The following FKBP8 variants were observed in gnomAD, a reference collection of about 807,000 sequenced individuals.
FKBP8 encodes FKBP prolyl isomerase 8.
In FKBP8, 5 loss-of-function variants were observed where a neutral mutation model predicts 41.7. The ratio of observed to expected loss-of-function variants is 0.12; its 90% CI spans 0.06 to 0.25. FKBP8 has a LOEUF of 0.25. Among genes scored for constraint, FKBP8 ranks in the 10% least tolerant of loss-of-function variants. FKBP8 has a pLI of 1.00. For missense variants in FKBP8, 397 were observed against 563.0 expected (o/e 0.71, Z 2.98); for synonymous variants, 279 against 254.5 (o/e 1.10, Z -0.92).
intron 7 of FKBP8, 91 bp downstream of exon 7, chr19:18,533,179 C>A: frequency 7.8e-7 from 1 of 1,283,080 alleles, no homozygotes; most frequent in African/African-American, 1.5e-5. Flanking sequence ...GGTGGGAACA[C>A]AACAGAGAGC....
At chr19:18,541,554 C>T in intron 2 of FKBP8, 125 bp downstream of exon 2, 1 of 1,372,978 alleles carries the variant, frequency 7.3e-7, no homozygotes, top group Non-Finnish European at 9.8e-7. Context: ...CCAGTAGTTG[C>T]CTCTGGCTGG....
intron 7 of FKBP8, chr19:18,533,020 G>T: frequency 1.3e-6 from 1 of 778,478 alleles, no homozygotes; most frequent in Non-Finnish European, 2.0e-6. Flanking sequence ...AAAGGTTCTG[G>T]AAGGAAGGCC....
chr19:18,535,562 A>C (rs1976553489), intron 6 of FKBP8, among the ~76,000 whole-genome samples: 1 of 151,840 alleles, frequency 6.6e-6, no homozygotes. Context: ...ACTTGAGGTC[A>C]GGAGTTCAAG....
At position 18,538,148 on chromosome 19, in the gene FKBP8, TG is replaced by T; in HGVS notation, c.772+67del. 1 of 1,474,832 alleles carries T rather than the reference TG, an allele frequency of 6.8e-7. No homozygotes were observed. The highest frequency in any genetic ancestry group is 2.3e-5 in the East Asian group (1 of 43,716). 91.4% of individuals were successfully genotyped at this position (1,474,832 alleles called of 1,614,324 possible). On this transcript the variant is annotated intron_variant, in intron 5 of 8. Transcript: ENST00000608443. This position sits in a 1 kb window ranked among gnomAD's most constrained non-coding sequence, Gnocchi z 4.0. ...TTCTGAGTCTGAGGCTCTCTGGGGC[TG>T]GAAGTTTCTGGCACGGAGTGGACAC...
chr19:18,542,628 T>A (rs1042218151), intron 1 of FKBP8: 4 of 252,444 alleles, frequency 1.6e-5, no homozygotes, highest in African/African-American at 9.5e-5. Flanking sequence ...TCTAACACTA[T>A]CCCCCACAAC....
chr19:18,539,662 C>T lies in FKBP8; in HGVS notation c.351G>A (p.Pro117=), dbSNP rs368924907. 1.4e-5 allele frequency: 23 copies of T among 1,611,630 alleles called. No individual in the cohort carries two copies. Among genetic ancestry groups the T allele is most frequent in the African/African-American group, 1.1e-4 (8 of 74,932 alleles). ...LVPGPPGSSR[P]VKGQVVTVHL... is the part of the protein sequence containing the mutation. ...GTACGGTGACCACCTGGCCCTTGAC[C>T]GGGCGGCTCGAACCTGGCGGCCCTG... The change falls in exon 3 of 9, where the codon CCG becomes CCA. Residue 117 remains proline, a synonymous_variant. Transcript: ENST00000608443.
intron 2 of FKBP8, among the ~76,000 whole-genome samples, chr19:18,540,664 G>C (rs918481549): frequency 1.3e-5 from 2 of 152,132 alleles, no homozygotes; most frequent in African/African-American, 2.4e-5. Flanking sequence ...CTGAGGTCAG[G>C]AGTTCGAGAC....
At chr19:18,533,653 G>A (rs975711425) in intron 6 of FKBP8, among the ~76,000 whole-genome samples, 62 of 150,802 alleles carry the variant, frequency 4.1e-4, no homozygotes, top group African/African-American at 1.4e-3. Context: ...GCAGTGAGCC[G>A]AGATCACACC....
chr19:18,533,442 G>A (rs942550778), intron 6 of FKBP8, 95 bp from the exon 7 acceptor site: 5 of 799,852 alleles, frequency 6.3e-6, no homozygotes, highest in Non-Finnish European at 9.6e-6. Context: ...CCAAGATGGT[G>A]TCACTGCACT....
chr19:18,535,510 G>A (rs958807874), intron 6 of FKBP8, among the ~76,000 whole-genome samples: 26 of 151,716 alleles, frequency 1.7e-4, no homozygotes, highest in African/African-American at 5.8e-4. Flanking sequence ...AGTGGCTCAC[G>A]CCTATAATCC....
At chr19:18,533,115 G>T (rs1446795182) in intron 7 of FKBP8, 155 bp downstream of exon 7, 2 of 734,596 alleles carry the variant, frequency 2.7e-6, no homozygotes, top group Non-Finnish European at 4.3e-6. Context: ...CCGTCATGAG[G>T]GTCTTCACAA....
Position 18,538,808 on chromosome 19 carries a change from C to CTTTTTTTT in FKBP8, c.552-380_552-373dup, listed in dbSNP as rs1165932658. 9.8e-6 allele frequency among the ~76,000 whole-genome samples: 1 copy of CTTTTTTTT among 102,206 alleles called. No individual in the cohort carries two copies. 67.1% of individuals were successfully genotyped at this position (102,206 alleles called of 152,430 possible). A position where few individuals can be genotyped will look rare whatever the true frequency, so the allele number is the denominator to read the frequency against. On this transcript the variant is annotated intron_variant, in intron 4 of 8. Transcript: ENST00000608443. This position sits in a 1 kb window ranked among gnomAD's most constrained non-coding sequence, Gnocchi z 4.0. ...GACTACAGGTGTGCACCACACCCAGCTTTTTTTTTTTTTTTTTTTTTTTTT... is the reference window on the plus strand; with the variant it reads ...GACTACAGGTGTGCACCACACCCAGCTTTTTTTTTTTTTTTTTTTTTTTTTTTTTTTTT...
rs147883360 is a variant in FKBP8, at chr19:18,538,054, C to A, written c.772+162G>T. 2.5e-6 allele frequency: 2 copies of A among 793,356 alleles called. No individual in the cohort carries two copies. The highest frequency in any genetic ancestry group is 2.8e-5 in the Admixed American group (1 of 35,578). The allele number at this position is 793,356 out of a possible 1,614,324, so 49.1% of individuals were successfully genotyped here. A position where few individuals can be genotyped will look rare whatever the true frequency, so the allele number is the denominator to read the frequency against. On this transcript the variant is annotated intron_variant, in intron 5 of 8. Coordinates refer to ENST00000608443, the MANE Select transcript of FKBP8 (RefSeq NM_012181.5). This position sits in a 1 kb window ranked among gnomAD's most constrained non-coding sequence, Gnocchi z 4.0. ...CACTCCACTGGTCTGGGATATACCACGAGTCTGTAACAGGCCCTAGCTTAG... is the reference window on the plus strand; with the variant it reads ...CACTCCACTGGTCTGGGATATACCAAGAGTCTGTAACAGGCCCTAGCTTAG...
Position 18,540,708 on chromosome 19 carries a change from C to T in FKBP8, c.292+971G>A, listed in dbSNP as rs1455812462. ...CCAATGTGGTGAAACCCTGTCTCTA[C>T]TAAAAATACAAAAATCAGCCAGGCA... is the stretch of plus-strand genomic sequence containing the variant. On this transcript the variant is annotated intron_variant, in intron 2 of 8. Coordinates refer to ENST00000608443, the MANE Select transcript of FKBP8 (RefSeq NM_012181.5). 1.3e-4 allele frequency among the ~76,000 whole-genome samples: 20 copies of T among 152,110 alleles called. 1 individual carries two copies. Among genetic ancestry groups the T allele is most frequent in the Admixed American group, 1.3e-3 (20 of 15,260 alleles).
rs1190063030 is a variant in FKBP8 at position 18,531,819 on chromosome 19, GCAGGCGGGGTGGGGGGCTGGCACT to G, written c.*326_*349del. 1.1e-5 allele frequency: 3 copies of G among 278,134 alleles called. No individual in the cohort carries two copies. The allele number at this position is 278,134 out of a possible 1,614,324, so 17.2% of individuals were successfully genotyped here. A position where few individuals can be genotyped will look rare whatever the true frequency, so the allele number is the denominator to read the frequency against. ...GGGGAGGGAACCTGGACAGGGGGCG[GCAGGCGGGGTGGGGGGCTGGCACT>G]CAGGCGGGGACTAGGCAGGGGAAGG... On this transcript the variant is annotated 3_prime_UTR_variant, in exon 9 of 9. Coordinates refer to ENST00000608443, the MANE Select transcript of FKBP8 (RefSeq NM_012181.5).
chr19:18,542,560 A>G (rs1436500039), intron 1 of FKBP8: 1 of 191,672 alleles, frequency 5.2e-6, no homozygotes, highest in Non-Finnish European at 1.1e-5. Flanking sequence ...ACCCTCCCCA[A>G]AAGCACCAAC....
Position 18,537,811 on chromosome 19 carries a change from A to T in FKBP8, c.773-38T>A. ...AGTGCCCGCCACGGCAGCCGTCACC[A>T]TGCCACCAGACACCCCGGCACCCAC... On this transcript the variant is annotated intron_variant, in intron 5 of 8. Coordinates refer to ENST00000608443, the MANE Select transcript of FKBP8 (RefSeq NM_012181.5). The surrounding 1 kb of genome is among the most constrained non-coding windows in gnomAD (Gnocchi z 4.4). The T allele has an allele frequency of 6.3e-7, 1 of 1,576,212 alleles. No homozygotes were observed. Among genetic ancestry groups the T allele is most frequent in the Non-Finnish European group, 8.6e-7 (1 of 1,156,200 alleles).
Position 18,534,748 on chromosome 19 carries a change from ATTAT to A in FKBP8, c.946-1405_946-1402del, listed in dbSNP as rs575291153. Among the ~76,000 whole-genome samples the A allele has an allele frequency of 2.4e-3, 359 of 150,782 alleles. 1 individual carries two copies. The highest frequency in any genetic ancestry group is 3.4e-3 in the Non-Finnish European group (228 of 67,790). On this transcript the variant is annotated intron_variant, in intron 6 of 8. Transcript: ENST00000608443. The stretch of plus-strand genomic sequence containing the variant: ...AGGCGTGTACTACCATGTCCAACGA[ATTAT>A]TTATTTATGTATTTATTTATAAAAT...
chr19:18,533,106 C>A, intron 7 of FKBP8, 164 bp downstream of exon 7: 2 of 707,200 alleles, frequency 2.8e-6, no homozygotes, highest in Non-Finnish European at 2.3e-6. Context: ...CCTGTGTGGC[C>A]GTCATGAGGG....
Sources: allele counts gnomAD v4.1 joint callset (sites outside exome capture counted in the v4.1 genomes callset), GRCh38; gene constraint gnomAD v4.1.1; non-coding constraint Gnocchi (gnomAD v3.1); transcripts MANE v1.5; gene names NCBI Gene and HGNC (gene_info 2026-07-23, HGNC 2026-07-21).